DIPK2A: variants seen among roughly 807,000 people sequenced by gnomAD.
The protein encoded by DIPK2A is divergent protein kinase domain 2A.
DIPK2A carries 27 observed loss-of-function variants against 39.0 expected under a neutral mutation model. The observed-to-expected ratio is 0.69, with a 90% CI of 0.51 to 0.96. The LOEUF is 0.96. DIPK2A is among the 40% of genes least tolerant of loss of function. The pLI, the probability that DIPK2A is intolerant of heterozygous loss-of-function variation, is 0.00. For synonymous variants in DIPK2A, 298 were observed against 240.8 expected (o/e 1.24, Z -2.20); for missense variants, 528 against 571.3 (o/e 0.92, Z 0.77).
At chr3:143,973,155 C>A in intron 1 of DIPK2A, 166 bp downstream of exon 1, 3 of 1,109,216 alleles carry the variant, frequency 2.7e-6, no homozygotes, top group Non-Finnish European at 2.6e-6. Flanking sequence ...CGGGGCTGTG[C>A]AGGGAGGCCG....
rs578206027 is a variant in DIPK2A at position 143,991,780 on chromosome 3, A to G, written c.*1939A>G. ...TCTTACTCAAAACTTCAAATAAAAT[A>G]CACATTTTCAAGAGGGAGCACCTTT... On this transcript the variant is annotated 3_prime_UTR_variant, in exon 3 of 3. Transcript: ENST00000315691. 7.9e-5 allele frequency: 12 copies of G among 152,358 alleles called. No homozygotes were observed. Among genetic ancestry groups the G allele is most frequent in the African/African-American group, 2.9e-4 (12 of 41,584 alleles). The allele number at this position is 152,358 out of a possible 1,614,324, so 9.4% of individuals were successfully genotyped here.
At chr3:143,978,602 CTA>C (rs57854747) in intron 1 of DIPK2A, 58 of 137,572 alleles carry the variant, frequency 4.2e-4, no homozygotes, top group South Asian at 2.3e-3. Flanking sequence ...ATCTATCTAT[CTA>C]TATATATATA....
chr3:143,976,202 A>G (rs1257298795), intron 1 of DIPK2A, among the ~76,000 whole-genome samples: 3 of 152,016 alleles, frequency 2.0e-5, no homozygotes, highest in Admixed American at 6.6e-5. Flanking sequence ...ACAACAGTTT[A>G]CCCATAGAAT....
chr3:143,972,261 C>A lies in DIPK2A; in HGVS notation c.-72C>A. 1 of 1,303,040 alleles carries A rather than the reference C, an allele frequency of 7.7e-7. No homozygotes were observed. The highest frequency in any genetic ancestry group is 9.8e-7 in the Non-Finnish European group (1 of 1,018,310). 80.7% of individuals were successfully genotyped at this position (1,303,040 alleles called of 1,614,324 possible). ...TCTCGCCCGGGGTTCCTGCCGGTAG[C>A]TCTCCGGGTCTTGGCGCGGCGGGGG... is the stretch of plus-strand genomic sequence containing the variant. On this transcript the variant is annotated 5_prime_UTR_variant, in exon 1 of 3. Transcript: ENST00000315691.
chr3:143,972,664 G>A lies in DIPK2A; in HGVS notation c.332G>A (p.Arg111His), dbSNP rs1227293541. ...GGCCGCCGCCGAGTGGTGCTCAAGC[G>A]CCTCGGCTCGCAGCGCGAGCTGGCG... ...EGGRRRVVLK[R>H]LGSQRELAQL... Residue 111 changes from arginine (R) to histidine (H), a missense_variant, in exon 1 of 3, where the codon CGC becomes CAC. This residue lies in a region of DIPK2A where 309 missense variants were observed against 289.8 expected (regional missense o/e 1.07). Coordinates refer to ENST00000315691, the MANE Select transcript of DIPK2A (RefSeq NM_173552.5). 1 of 1,609,430 alleles carries A rather than the reference G, an allele frequency of 6.2e-7. No individual in the cohort carries two copies. The highest frequency in any genetic ancestry group is 1.1e-5 in the South Asian group (1 of 90,900).
chr3:143,972,200 T>A lies in DIPK2A; in HGVS notation c.-133T>A. 5.2e-6 allele frequency: 4 copies of A among 765,148 alleles called. No homozygotes were observed. The highest frequency in any genetic ancestry group is 7.5e-6 in the Non-Finnish European group (4 of 533,716). 47.4% of individuals were successfully genotyped at this position (765,148 alleles called of 1,614,324 possible). On this transcript the variant is annotated 5_prime_UTR_variant, in exon 1 of 3. Coordinates refer to ENST00000315691, the MANE Select transcript of DIPK2A (RefSeq NM_173552.5). ...CCGTCTTCCTCTCTCACACACCTAC[T>A]CCGCCCTCCGCCCCAGCCCGCGCGC...
At chr3:143,973,133 C>G (rs2087682482) in intron 1 of DIPK2A, 144 bp downstream of exon 1, 1 of 1,202,682 alleles carries the variant, frequency 8.3e-7, no homozygotes, top group Non-Finnish European at 1.2e-6. Context: ...AGGGGCGTCT[C>G]CGGGGGAGCC....
At chr3:143,982,751 T>A (rs996518671) in intron 1 of DIPK2A, among the ~76,000 whole-genome samples, 27 of 152,196 alleles carry the variant, frequency 1.8e-4, no homozygotes, top group Non-Finnish European at 1.2e-4. Context: ...CATAACAATA[T>A]TAACCTTAAA....
At chr3:143,986,694 C>T (rs1431666640) in intron 2 of DIPK2A, among the ~76,000 whole-genome samples, 1 of 143,746 alleles carries the variant, frequency 7.0e-6, no homozygotes, top group Non-Finnish European at 1.5e-5. Context: ...CACTGCACTC[C>T]AGCCTGGGCA....
At chr3:143,983,074 A>G (rs941472709) in intron 1 of DIPK2A, among the ~76,000 whole-genome samples, 2 of 150,978 alleles carry the variant, frequency 1.3e-5, no homozygotes, top group Admixed American at 6.6e-5. Flanking sequence ...CCAGTTTCAT[A>G]AAGTAAGTTC....
intron 2 of DIPK2A, among the ~76,000 whole-genome samples, chr3:143,989,260 T>C (rs2107849804): frequency 6.6e-6 from 1 of 152,358 alleles, no homozygotes; most frequent in Non-Finnish European, 1.5e-5. Context: ...TGGCACTTTC[T>C]GTGTATGATG....
chr3:143,989,651 T>C lies in DIPK2A; in HGVS notation c.1103T>C (p.Leu368Ser). Residue 368 changes from leucine to serine, a missense_variant, in exon 3 of 3, where the codon TTA becomes TCA. Physicochemically the swap from Leu to Ser is moderately radical, Grantham distance 145 (BLOSUM62 -2). This residue lies in a region of DIPK2A where 219 missense variants were observed against 281.5 expected (regional missense o/e 0.78). Transcript: ENST00000315691. ...TACTATGCTGTTTGTCAGAACCTCT[T>C]ATCCAGACATGCCACCTGGCGTGGC... ...HNYYAVCQNL[L>S]SRHATWRGTS... The C allele has an allele frequency of 6.2e-6, 10 of 1,614,200 alleles. No homozygotes were observed. Among genetic ancestry groups the C allele is most frequent in the Non-Finnish European group, 8.5e-6 (10 of 1,180,016 alleles).
chr3:143,974,899 C>T (rs1451230526), intron 1 of DIPK2A, among the ~76,000 whole-genome samples: 1 of 152,042 alleles, frequency 6.6e-6, no homozygotes, highest in Non-Finnish European at 1.5e-5. Flanking sequence ...TAAGTTTGAA[C>T]TTCTCATGGC....
At position 143,982,933 on chromosome 3, in the gene DIPK2A, A is replaced by G. The variant is rs533459648; in HGVS notation, c.658-2610A>G. ...CACAAAAAAAACAAAAGGGGTTGCAATCCTAGTCTCTGATAAAACAGACTT... is the reference window on the plus strand; with the variant it reads ...CACAAAAAAAACAAAAGGGGTTGCAGTCCTAGTCTCTGATAAAACAGACTT... On this transcript the variant is annotated intron_variant, in intron 1 of 2. Coordinates refer to ENST00000315691, the MANE Select transcript of DIPK2A (RefSeq NM_173552.5). Among the ~76,000 whole-genome samples, 6 of 152,298 alleles carry G rather than the reference A, an allele frequency of 3.9e-5. No individual in the cohort carries two copies. The South Asian group carries it at 1.2e-3, about 32-fold the overall frequency.
rs769460359 is a variant in DIPK2A, at chr3:143,972,506, C to G, written c.174C>G (p.Cys58Trp). ...TGCAGCTCAATAAGTGCCCGGCGTG[C>G]TTCGGCACGAGCTGGTGCCGCCGCT... is the stretch of plus-strand genomic sequence containing the variant. The part of the protein sequence containing the change: ...RFLQLNKCPA[C>W]FGTSWCRRFL... Residue 58 changes from cysteine to tryptophan, a missense_variant, in exon 1 of 3, where the codon TGC becomes TGG. Transcript: ENST00000315691. The G allele has an allele frequency of 1.2e-6, 2 of 1,610,402 alleles. No individual in the cohort carries two copies. Among genetic ancestry groups the G allele is most frequent in the Non-Finnish European group, 8.5e-7 (1 of 1,178,592 alleles).
At chr3:143,978,687 T>G (rs1158119894) in intron 1 of DIPK2A, among the ~76,000 whole-genome samples, 143 of 126,300 alleles carry the variant, frequency 1.1e-3, no homozygotes, top group African/African-American at 2.5e-3. Context: ...TATATCTATA[T>G]ATATATATAT....
intron 1 of DIPK2A, chr3:143,978,616 CTATATCTA>C (rs1302006254): frequency 6.3e-5 from 8 of 126,124 alleles, no homozygotes; most frequent in East Asian, 2.2e-4. Context: ...ATATATATAT[CTATATCTA>C]TATATATATA....
At chr3:143,983,924 A>C (rs1431330853) in intron 1 of DIPK2A, among the ~76,000 whole-genome samples, 1 of 152,132 alleles carries the variant, frequency 6.6e-6, no homozygotes, top group Non-Finnish European at 1.5e-5. Context: ...AAATCTGTTG[A>C]TTAGTCACTT....
At position 143,972,066 on chromosome 3, in the gene DIPK2A, G is replaced by GCGC; in HGVS notation, c.-261_-259dup. On this transcript the variant is annotated 5_prime_UTR_variant, in exon 1 of 3. Coordinates refer to ENST00000315691, the MANE Select transcript of DIPK2A (RefSeq NM_173552.5). Reference sequence around the variant, plus strand: ...CTATAACTTGGCTGGCGTGGAGGAGGCGCCGCCGGAGTCGGAGGGCGGGGA... The same window carrying GCGC: ...CTATAACTTGGCTGGCGTGGAGGAGGCGCCGCCGCCGGAGTCGGAGGGCGGGGA... 1 of 374,914 alleles carries GCGC rather than the reference G, an allele frequency of 2.7e-6. No homozygotes were observed. The highest frequency in any genetic ancestry group is 4.7e-6 in the Non-Finnish European group (1 of 211,514). 23.2% of individuals were successfully genotyped at this position (374,914 alleles called of 1,614,324 possible). A position where few individuals can be genotyped will look rare whatever the true frequency, so the allele number is the denominator to read the frequency against.
Sources: gnomAD v4.1 joint callset for allele counts (sites outside exome capture counted in the v4.1 genomes callset) on GRCh38, gnomAD v4.1.1 for gene constraint, gnomAD v4.1.1 regional missense constraint, MANE v1.5 for transcripts, NCBI Gene and HGNC (gene_info 2026-07-23, HGNC 2026-07-21) for gene names.